The following RPS6KC1 variants were observed in gnomAD, a reference collection of about 807,000 sequenced individuals.
RPS6KC1 encodes the protein inactive ribosomal protein S6 kinase delta-1.
Under a neutral mutation model 103.8 loss-of-function variants are expected in RPS6KC1, and 54 were observed. The observed-to-expected ratio is 0.52, with a 90% CI of 0.42 to 0.65. The LOEUF is 0.65. Ranked by LOEUF, RPS6KC1 falls within the 30% of genes least tolerant of loss-of-function variation. The pLI is 0.00. For synonymous variants in RPS6KC1, 439 were observed against 438.7 expected, an observed-to-expected ratio of 1.00 and a Z score of -0.01; for missense variants, 1,151 against 1,253.8, an observed-to-expected ratio of 0.92 and a Z score of 1.24.
chr1:213,629,618 C>T, the RPS6KC1 span, among the ~76,000 whole-genome samples: 2 of 152,008 alleles, frequency 1.3e-5, no homozygotes, highest in Non-Finnish European at 1.5e-5. Context: ...GAATTTGATC[C>T]TGTCATTATG....
At chr1:213,205,310 C>G (rs2093306370) in intron 8 of RPS6KC1, 1 of 984,366 alleles carries the variant, frequency 1.0e-6, no homozygotes, top group Non-Finnish European at 1.2e-6. Flanking sequence ...TCTGGAAGGA[C>G]AGCAAGCTAG....
intron 8 of RPS6KC1, among the ~76,000 whole-genome samples, chr1:213,182,765 A>T (rs1211423808): frequency 6.7e-6 from 1 of 148,938 alleles, no homozygotes; most frequent in African/African-American, 2.4e-5. Context: ...ATATATCATG[A>T]TACATATATA....
At chr1:213,834,473 T>C in the RPS6KC1 span, among the ~76,000 whole-genome samples, 1 of 152,308 alleles carries the variant, frequency 6.6e-6, no homozygotes, top group Admixed American at 6.5e-5. Context: ...ATAAGTCTCT[T>C]TATCTCACTA....
the RPS6KC1 span, among the ~76,000 whole-genome samples, chr1:213,540,432 C>T: frequency 6.6e-6 from 1 of 152,162 alleles, no homozygotes; most frequent in South Asian, 2.1e-4. Context: ...CAACCTCCAC[C>T]TCCTGGGCTC....
At chr1:213,088,698 G>A (rs754066950) in intron 3 of RPS6KC1, among the ~76,000 whole-genome samples, 1 of 152,024 alleles carries the variant, frequency 6.6e-6, no homozygotes, top group Non-Finnish European at 1.5e-5. Flanking sequence ...ACTTTTCCCT[G>A]TTCAAATTAC....
the RPS6KC1 span, among the ~76,000 whole-genome samples, chr1:213,520,401 C>T: frequency 6.6e-6 from 1 of 152,028 alleles, no homozygotes; most frequent in Non-Finnish European, 1.5e-5. Flanking sequence ...GAAAACCACC[C>T]CATGATTCAG....
intron 12 of RPS6KC1, among the ~76,000 whole-genome samples, chr1:213,244,828 A>T (rs2094428927): frequency 6.6e-6 from 1 of 152,152 alleles, no homozygotes; most frequent in African/African-American, 2.4e-5. Context: ...GTTGTCCTTC[A>T]CTAGCATTTG....
chr1:213,641,829 A>AAAATAAATAAATAAATAAATAAAT, the RPS6KC1 span, among the ~76,000 whole-genome samples: 654 of 116,384 alleles, frequency 5.6e-3, 5 homozygotes, highest in African/African-American at 0.016. Flanking sequence ...ACCCCCTGCA[A>AAAATAAATAAATAAATAAATAAAT]AAATAAATAA....
the RPS6KC1 span, among the ~76,000 whole-genome samples, chr1:213,546,797 A>G: frequency 6.6e-6 from 1 of 152,190 alleles, no homozygotes; most frequent in Admixed American, 6.5e-5. Flanking sequence ...TTGCCTCAGT[A>G]TGGTACATTT....
chr1:213,355,171 C>T, the RPS6KC1 span, among the ~76,000 whole-genome samples: 14 of 151,736 alleles, frequency 9.2e-5, no homozygotes, highest in South Asian at 4.2e-4. Flanking sequence ...GAACTGAGAT[C>T]GCGCCACTGC....
the RPS6KC1 span, among the ~76,000 whole-genome samples, chr1:213,375,014 CAT>C: frequency 2.0e-5 from 3 of 151,902 alleles, no homozygotes; most frequent in Admixed American, 6.6e-5. Flanking sequence ...CATACACACA[CAT>C]ACATACACAT....
At chr1:213,269,779 G>C (rs1263356931) in intron 14 of RPS6KC1, among the ~76,000 whole-genome samples, 2 of 152,124 alleles carry the variant, frequency 1.3e-5, no homozygotes, top group East Asian at 3.9e-4. Flanking sequence ...GCTAGATGTG[G>C]TTGTGTGCTC....
chr1:213,577,999 C>T, the RPS6KC1 span, among the ~76,000 whole-genome samples: 2 of 152,232 alleles, frequency 1.3e-5, no homozygotes, highest in Admixed American at 6.5e-5. Flanking sequence ...GCCTTCACAG[C>T]AGCCCCAAGC....
chr1:213,416,233 C>A, the RPS6KC1 span, among the ~76,000 whole-genome samples: 1 of 152,362 alleles, frequency 6.6e-6, no homozygotes, highest in Middle Eastern at 3.4e-3. Flanking sequence ...TGGGGGCAAA[C>A]CCACAGGCCT....
At chr1:213,370,000 C>T in the RPS6KC1 span, among the ~76,000 whole-genome samples, 1 of 152,284 alleles carries the variant, frequency 6.6e-6, no homozygotes, top group South Asian at 2.1e-4. Context: ...GAGAGCTGCC[C>T]TAATTCTGCT....
the RPS6KC1 span, among the ~76,000 whole-genome samples, chr1:213,585,059 G>A: frequency 6.6e-6 from 1 of 152,066 alleles, no homozygotes; most frequent in South Asian, 2.1e-4. Flanking sequence ...TGTAACCTTG[G>A]GCTAATTCTG....
At chr1:213,163,718 A>G (rs892805280) in intron 6 of RPS6KC1, among the ~76,000 whole-genome samples, 5 of 152,012 alleles carry the variant, frequency 3.3e-5, no homozygotes, top group African/African-American at 1.2e-4. Context: ...GGCCATTGTT[A>G]TCCAAATACA....
intron 6 of RPS6KC1, among the ~76,000 whole-genome samples, chr1:213,165,873 T>C (rs2090921778): frequency 6.6e-6 from 1 of 152,180 alleles, no homozygotes; most frequent in Non-Finnish European, 1.5e-5. Context: ...TAAGGCTACA[T>C]TTAAAAAGCC....
the RPS6KC1 span, among the ~76,000 whole-genome samples, chr1:213,400,766 G>A: frequency 2.0e-5 from 3 of 151,666 alleles, no homozygotes; most frequent in Admixed American, 2.0e-4. Flanking sequence ...GAGTGCAGTG[G>A]CGCGATCTCG....
Sources: allele counts gnomAD v4.1 joint callset (sites outside exome capture counted in the v4.1 genomes callset), GRCh38; gene constraint gnomAD v4.1.1; transcripts MANE v1.5; gene names NCBI Gene and HGNC (gene_info 2026-07-23, HGNC 2026-07-21).